The following CPA4 variants were observed in gnomAD, a reference collection of about 807,000 sequenced individuals.
CPA4 encodes the protein carboxypeptidase A3.
In CPA4, 49 loss-of-function variants were observed where a neutral mutation model predicts 54.7. The observed-to-expected ratio is 0.90, with a 90% CI of 0.71 to 1.14. CPA4 has a LOEUF of 1.14. CPA4 is among the 50% of genes most tolerant of loss of function. The pLI, the probability that CPA4 is intolerant of heterozygous loss-of-function variation, is 0.00. For missense variants in CPA4, 487 were observed against 525.1 expected (o/e 0.93, Z 0.71); for synonymous variants, 215 against 206.8 (o/e 1.04, Z -0.34).
intron 10 of CPA4, among the ~76,000 whole-genome samples, chr7:130,319,032 G>C (rs1794040434): frequency 6.6e-6 from 1 of 152,140 alleles, no homozygotes; most frequent in Non-Finnish European, 1.5e-5. Flanking sequence ...TATGCTAAAG[G>C]CCTACTCTGC....
chr7:130,305,447 C>T (rs1439382439), intron 5 of CPA4, among the ~76,000 whole-genome samples: 2 of 152,166 alleles, frequency 1.3e-5, no homozygotes, highest in Non-Finnish European at 1.5e-5. Flanking sequence ...TTTATCATGT[C>T]GACCGAAACA....
chr7:130,293,373 C>T lies in CPA4; in HGVS notation c.68+125C>T. 4 of 711,734 alleles carry T rather than the reference C, an allele frequency of 5.6e-6. No homozygotes were observed. The South Asian group carries it at 5.9e-5, about 11-fold the overall frequency. The allele number at this position is 711,734 out of a possible 1,614,324, so 44.1% of individuals were successfully genotyped here. A position where few individuals can be genotyped will look rare whatever the true frequency, so the allele number is the denominator to read the frequency against. On this transcript the variant is annotated intron_variant, in intron 1 of 10. Coordinates refer to ENST00000222482, the MANE Select transcript of CPA4 (RefSeq NM_016352.4). The stretch of plus-strand genomic sequence containing the variant: ...GACCTGGGCTCTTGTTCCAGCTTTG[C>T]CCCTGTGTCATCCTGGACAAGTCCA...
At chr7:130,317,369 G>A (rs760267401) in intron 10 of CPA4, among the ~76,000 whole-genome samples, 1 of 152,220 alleles carries the variant, frequency 6.6e-6, no homozygotes, top group Non-Finnish European at 1.5e-5. Flanking sequence ...TACATTGCAC[G>A]ATGATGAAAA....
intron 10 of CPA4, among the ~76,000 whole-genome samples, chr7:130,320,386 A>T (rs1794072094): frequency 6.6e-6 from 1 of 152,188 alleles, no homozygotes; most frequent in Non-Finnish European, 1.5e-5. Context: ...TGAATCTCAA[A>T]TGTGTTCTGA....
Position 130,310,980 on chromosome 7 carries a change from G to A in CPA4, c.987G>A (p.Glu329=), listed in dbSNP as rs1233233557. 1 of 1,613,450 alleles carries A rather than the reference G, an allele frequency of 6.2e-7. No homozygotes were observed. Among genetic ancestry groups the A allele is most frequent in the Non-Finnish European group, 8.5e-7 (1 of 1,179,938 alleles). ...CAGTCAAAAAGGCCCCAGATGCCGA[G>A]GAACTCGTGAGTCACAGCTGCCTCC... ...GYSVKKAPDA[E]ELDKVARLAA... Residue 329 remains glutamate (E), a synonymous_variant, in exon 9 of 11, where the codon GAG becomes GAA. Transcript: ENST00000222482. The surrounding 1 kb of genome is among the most constrained non-coding windows in gnomAD (Gnocchi z 4.3).
chr7:130,299,367 A>G lies in CPA4; in HGVS notation c.248A>G (p.Gln83Arg). The G allele has an allele frequency of 6.2e-7, 1 of 1,614,038 alleles. No homozygotes were observed. The highest frequency in any genetic ancestry group is 8.5e-7 in the Non-Finnish European group (1 of 1,179,912). ...LQAFKSFLRS[Q>R]GLEYAVTIED... The stretch of plus-strand genomic sequence containing the variant: ...GCATTTAAATCCTTCCTGAGATCCC[A>G]GGGCTTAGAGTACGCAGTGACAATT... Residue 83 changes from glutamine (Q) to arginine (R), a missense_variant, in exon 3 of 11, where the codon CAG becomes CGG. Physicochemically the swap from Gln to Arg is conservative, Grantham distance 43. Coordinates refer to ENST00000222482, the MANE Select transcript of CPA4 (RefSeq NM_016352.4).
chr7:130,305,303 C>T (rs1029074963), intron 5 of CPA4, among the ~76,000 whole-genome samples: 1 of 152,126 alleles, frequency 6.6e-6, no homozygotes, highest in Non-Finnish European at 1.5e-5. Flanking sequence ...TGTTGGAGAC[C>T]CTGGCTTCAT....
intron 10 of CPA4, among the ~76,000 whole-genome samples, chr7:130,314,907 CG>C (rs1793966152): frequency 6.6e-6 from 1 of 151,880 alleles, no homozygotes; most frequent in Non-Finnish European, 1.5e-5. Flanking sequence ...CTTCGGGATT[CG>C]GGTGAGGTGA....
intron 10 of CPA4, among the ~76,000 whole-genome samples, chr7:130,318,270 T>C (rs1794021907): frequency 6.6e-6 from 1 of 152,140 alleles, no homozygotes; most frequent in Admixed American, 6.5e-5. Flanking sequence ...ATAATGGCCT[T>C]GTCCTCCTGC....
intron 4 of CPA4, among the ~76,000 whole-genome samples, chr7:130,304,199 C>T (rs1793782314): frequency 6.6e-6 from 1 of 152,064 alleles, no homozygotes; most frequent in South Asian, 2.1e-4. Context: ...AGTACAGTGA[C>T]AAAGGACACA....
intron 3 of CPA4, chr7:130,299,887 T>A (rs1793712108): frequency 6.1e-6 from 1 of 165,204 alleles, no homozygotes; most frequent in South Asian, 1.6e-4. Flanking sequence ...AGGGAGGGTG[T>A]TGGGGACCAG....
intron 7 of CPA4, among the ~76,000 whole-genome samples, chr7:130,307,631 G>GAAAA (rs777184935): frequency 8.9e-6 from 1 of 112,160 alleles, no homozygotes; most frequent in Non-Finnish European, 1.9e-5. Context: ...CTCCATCTCA[G>GAAAA]AAAAAAAAAA....
intron 10 of CPA4, among the ~76,000 whole-genome samples, chr7:130,318,718 C>T (rs1794031278): frequency 6.6e-6 from 1 of 152,136 alleles, no homozygotes; most frequent in Non-Finnish European, 1.5e-5. Flanking sequence ...GCCAAAATGT[C>T]CACCTTTTCT....
Position 130,298,773 on chromosome 7 carries a change from A to C in CPA4, c.96A>C (p.Arg32Ser). The change falls in exon 2 of 11, where the codon AGA becomes AGC. Residue 32 changes from arginine (R) to serine (S), a missense_variant. By Grantham distance (110) the Arg-to-Ser change is moderately radical. Coordinates refer to ENST00000222482, the MANE Select transcript of CPA4 (RefSeq NM_016352.4). ...ACCAAGTTTTGAGGATTAATGTCAGAAATGGAGACGAGATCAGCAAATTGA... is the reference window on the plus strand; with the variant it reads ...ACCAAGTTTTGAGGATTAATGTCAGCAATGGAGACGAGATCAGCAAATTGA... ...FGDQVLRINV[R>S]NGDEISKLSQ... 6.2e-7 allele frequency: 1 copy of C among 1,612,218 alleles called. No individual in the cohort carries two copies. Among genetic ancestry groups the C allele is most frequent in the Non-Finnish European group, 8.5e-7 (1 of 1,178,288 alleles).
chr7:130,304,695 C>A, intron 5 of CPA4, 116 bp downstream of exon 5: 1 of 728,178 alleles, frequency 1.4e-6, no homozygotes, highest in Non-Finnish European at 2.5e-6. Context: ...AAAGCGAGGT[C>A]AGGACACATT....
intron 10 of CPA4, among the ~76,000 whole-genome samples, chr7:130,317,133 TGTC>T (rs561693187): frequency 8.4e-4 from 128 of 152,312 alleles, no homozygotes; most frequent in African/African-American, 2.9e-3. Context: ...AATCCTCTCT[TGTC>T]AGCTTCCCAA....
intron 7 of CPA4, among the ~76,000 whole-genome samples, chr7:130,307,456 C>T (rs1463245445): frequency 6.6e-6 from 1 of 151,926 alleles, no homozygotes; most frequent in East Asian, 1.9e-4. Context: ...ATGGTGAAAC[C>T]ACATCTCTAT....
intron 1 of CPA4, among the ~76,000 whole-genome samples, chr7:130,295,777 C>G (rs903425675): frequency 2.0e-5 from 3 of 151,996 alleles, no homozygotes; most frequent in African/African-American, 7.2e-5. Flanking sequence ...GTCGGGAGTT[C>G]GAGACCAGCC....
chr7:130,314,320 C>T (rs949537725), intron 10 of CPA4, among the ~76,000 whole-genome samples: 7 of 152,066 alleles, frequency 4.6e-5, no homozygotes, highest in African/African-American at 1.7e-4. Context: ...AATGGGAGGG[C>T]CTTGGGGCTT....
Sources: gnomAD v4.1 joint callset for allele counts (sites outside exome capture counted in the v4.1 genomes callset) on GRCh38, gnomAD v4.1.1 for gene constraint, Gnocchi (gnomAD v3.1) non-coding constraint, MANE v1.5 for transcripts, NCBI Gene and HGNC (gene_info 2026-07-23, HGNC 2026-07-21) for gene names.